The following ASPG variants were observed in gnomAD, a reference collection of about 807,000 sequenced individuals.
ASPG encodes asparaginase.
ASPG carries 53 observed loss-of-function variants against 63.2 expected under a neutral mutation model. The ratio of observed to expected loss-of-function variants is 0.84; its 90% confidence interval spans 0.67 to 1.05. The LOEUF (loss-of-function observed/expected upper bound fraction) is 1.05. Among genes scored for constraint, ASPG ranks in the 50% least tolerant of loss-of-function variants. ASPG has a pLI of 0.00. For synonymous variants in ASPG, 370 were observed against 355.0 expected (o/e 1.04, Z -0.48); for missense variants, 741 against 794.4 (o/e 0.93, Z 0.81).
Position 104,104,443 on chromosome 14 carries a change from A to G in ASPG, c.893A>G (p.His298Arg). 1.2e-6 allele frequency: 2 copies of G among 1,612,482 alleles called. No homozygotes were observed. The highest frequency in any genetic ancestry group is 1.7e-6 in the Non-Finnish European group (2 of 1,179,764). The change falls in exon 8 of 16, where the codon CAC becomes CGC. Residue 298 changes from histidine (H) to arginine (R), a missense_variant. Physicochemically the swap from His to Arg is conservative, Grantham distance 29. Coordinates refer to ENST00000551177, the MANE Select transcript of ASPG (RefSeq NM_001080464.3). Reference protein sequence around the residue: ...ERGLVIVNCTHCLQGAVTTDY... With the variant: ...ERGLVIVNCTRCLQGAVTTDY... ...GGCCTGGTCATCGTCAACTGTACCC[A>G]CTGCCTCCAGGGGGCTGTGACCACA...
chr14:104,093,660 G>GC (rs1418491966), intron 3 of ASPG, 58 bp downstream of exon 3: 7 of 894,122 alleles, frequency 7.8e-6, no homozygotes, highest in South Asian at 5.5e-5. Context: ...GCTGAGGTGT[G>GC]TGGGTGGGGC....
Position 104,109,407 on chromosome 14 carries a change from C to T in ASPG, c.1520+92C>T. 7.1e-7 allele frequency: 1 copy of T among 1,403,938 alleles called. No homozygotes were observed. The highest frequency in any genetic ancestry group is 9.6e-7 in the Non-Finnish European group (1 of 1,043,220). The allele number at this position is 1,403,938 out of a possible 1,614,324, so 87.0% of individuals were successfully genotyped here. A position where few individuals can be genotyped will look rare whatever the true frequency, so the allele number is the denominator to read the frequency against. On this transcript the variant is annotated intron_variant, in intron 13 of 15. Transcript: ENST00000551177. This position sits in a 1 kb window ranked among gnomAD's most constrained non-coding sequence, Gnocchi z 4.8. ...GACCTGCTGGGAGGGACAAGTGAGT[C>T]AGGGTGTGGGGGCTTTCAGAGGCGA...
At chr14:104,097,494 C>T (rs1213971221) in intron 4 of ASPG, 60 bp from the exon 5 acceptor site, 1 of 1,488,674 alleles carries the variant, frequency 6.7e-7, no homozygotes, top group African/African-American at 1.4e-5. Context: ...GAGAGATGAG[C>T]CAGACATCCC....
In ASPG at chr14:104,113,631, C is replaced by G. The variant is rs1335268344; in HGVS notation, c.*1087C>G. 2.0e-5 allele frequency: 3 copies of G among 152,330 alleles called. No individual in the cohort carries two copies. The highest frequency in any genetic ancestry group is 4.4e-5 in the Non-Finnish European group (3 of 68,124). The allele number at this position is 152,330 out of a possible 1,614,324, so 9.4% of individuals were successfully genotyped here. On this transcript the variant is annotated 3_prime_UTR_variant, in exon 16 of 16. Transcript: ENST00000551177. The stretch of plus-strand genomic sequence containing the variant: ...TCCCTCTGTTTGGCTGGCCTCTGGA[C>G]TGGAGCCCCAGGAGGGCAAAAGCAT...
At position 104,085,768 on chromosome 14, in the gene ASPG, G is replaced by C. The variant is rs1436620930; in HGVS notation, c.-3G>C. 10 of 1,576,912 alleles carry C rather than the reference G, an allele frequency of 6.3e-6. No individual in the cohort carries two copies. Among genetic ancestry groups the C allele is most frequent in the South Asian group, 1.1e-5 (1 of 87,598 alleles). On this transcript the variant is annotated 5_prime_UTR_variant, in exon 1 of 16. Coordinates refer to ENST00000551177, the MANE Select transcript of ASPG (RefSeq NM_001080464.3). ...CGTCCACTCCCGTGGTCCCCGGTCCGGCATGGCGCGCGCGGTGGGGCCCGA... is the reference window on the plus strand; with the variant it reads ...CGTCCACTCCCGTGGTCCCCGGTCCCGCATGGCGCGCGCGGTGGGGCCCGA...
chr14:104,095,407 A>G, intron 3 of ASPG, 124 bp from the exon 4 acceptor site: 1 of 1,356,320 alleles, frequency 7.4e-7, no homozygotes, highest in Non-Finnish European at 1.0e-6. Context: ...CTTCCAGGCC[A>G]GGGTCCCACG....
Position 104,095,540 on chromosome 14 carries a change from G to C in ASPG, c.313G>C (p.Glu105Gln), listed in dbSNP as rs748633326. ...TGCGCCCCTCCTGCAGAGGCACTAC[G>C]AGCAGTACCACGGCTTTGTGGTCAT... ...CLAQTIKRHY[E>Q]QYHGFVVIHG... Residue 105 changes from glutamate (E) to glutamine (Q), a missense_variant, in exon 4 of 16, where the codon GAG becomes CAG. By Grantham distance (29) the Glu-to-Gln change is conservative. Coordinates refer to ENST00000551177, the MANE Select transcript of ASPG (RefSeq NM_001080464.3). 3.5e-5 allele frequency: 56 copies of C among 1,612,838 alleles called. No individual in the cohort carries two copies. In the Admixed American group the frequency reaches 7.5e-4, roughly 22 times the overall value.
At chr14:104,101,409 G>C (rs1432844036) in intron 6 of ASPG, among the ~76,000 whole-genome samples, 1 of 152,166 alleles carries the variant, frequency 6.6e-6, no homozygotes, top group Admixed American at 6.5e-5. Context: ...TGAGGGGCTG[G>C]GCTGGTCCGG....
At chr14:104,098,101 G>A (rs5000042) in intron 5 of ASPG, among the ~76,000 whole-genome samples, 667 of 9,248 alleles carry the variant, frequency 0.072, 138 homozygotes, top group Non-Finnish European at 0.13. Flanking sequence ...TGGAGGTTCT[G>A]CGTTAGAGAT....
chr14:104,100,006 C>T (rs1383721011), intron 6 of ASPG, among the ~76,000 whole-genome samples: 2 of 152,188 alleles, frequency 1.3e-5, no homozygotes, highest in East Asian at 1.9e-4. Flanking sequence ...TGGGCCATGG[C>T]GGGCTGGTGG....
intron 1 of ASPG, among the ~76,000 whole-genome samples, chr14:104,089,947 C>CAAAAAAAAA (rs58405958): frequency 3.5e-5 from 2 of 56,352 alleles, no homozygotes; most frequent in Non-Finnish European, 2.9e-5. Context: ...GACTCTGCCT[C>CAAAAAAAAA]AAAAAAAAAA....
chr14:104,111,475 C>A (rs780310632), intron 13 of ASPG, 27 bp from the exon 14 acceptor site: 3 of 1,537,576 alleles, frequency 2.0e-6, no homozygotes, highest in South Asian at 2.4e-5. Flanking sequence ...CAGGCCCCAA[C>A]AACTCCTCCT....
In ASPG at chr14:104,093,512, G is replaced by T; in HGVS notation, c.213G>T (p.Arg71Ser). The T allele has an allele frequency of 1.2e-6, 2 of 1,612,742 alleles. No individual in the cohort carries two copies. Among genetic ancestry groups the T allele is most frequent in the Non-Finnish European group, 1.7e-6 (2 of 1,179,822 alleles). Residue 71 changes from arginine (R) to serine (S), a missense_variant, in exon 3 of 16, where the codon AGG becomes AGT. By Grantham distance (110) the Arg-to-Ser change is moderately radical. Coordinates refer to ENST00000551177, the MANE Select transcript of ASPG (RefSeq NM_001080464.3). ...LVLPPASRNQ[R>S]ILYTVLECQP... ...GCAGCCCGGCCAGCCGCAACCAGAG[G>T]ATTCTCTACACCGTGCTGGAGTGCC...
At chr14:104,085,966 G>A in intron 1 of ASPG, 114 bp downstream of exon 1, 1 of 991,548 alleles carries the variant, frequency 1.0e-6, no homozygotes, top group South Asian at 1.7e-5. Flanking sequence ...CCTGGATGGG[G>A]GGTGCGGGCT....
At chr14:104,086,146 G>A (rs1456130084) in intron 1 of ASPG, among the ~76,000 whole-genome samples, 3 of 152,208 alleles carry the variant, frequency 2.0e-5, no homozygotes, top group Middle Eastern at 3.2e-3. Flanking sequence ...CCAGCGTCCT[G>A]AAGTCCTGGA....
intron 6 of ASPG, among the ~76,000 whole-genome samples, chr14:104,103,056 C>T (rs527873787): frequency 6.6e-6 from 1 of 152,340 alleles, no homozygotes; most frequent in Admixed American, 6.5e-5. Flanking sequence ...ACAGTGGGTG[C>T]CTGGCAAGGG....
At chr14:104,111,686 G>A (rs1466726862) in intron 14 of ASPG, 85 bp downstream of exon 14, 1 of 1,144,538 alleles carries the variant, frequency 8.7e-7, no homozygotes, top group Non-Finnish European at 1.3e-6. Context: ...TCACTGCTCT[G>A]CCCCTCCCCG....
intron 6 of ASPG, among the ~76,000 whole-genome samples, chr14:104,102,121 G>A (rs1050676244): frequency 6.6e-6 from 1 of 152,040 alleles, no homozygotes; most frequent in South Asian, 2.1e-4. Context: ...CAGTGGCAGC[G>A]GTGCCCCCTC....
chr14:104,112,069 C>T (rs891992008), intron 15 of ASPG, 69 bp downstream of exon 15: 31 of 1,419,126 alleles, frequency 2.2e-5, no homozygotes, highest in East Asian at 1.5e-4. Flanking sequence ...GATCCTGGCT[C>T]GGGGGGGCGT....
Sources: gnomAD v4.1 joint callset for allele counts (sites outside exome capture counted in the v4.1 genomes callset) on GRCh38, gnomAD v4.1.1 for gene constraint, Gnocchi (gnomAD v3.1) non-coding constraint, MANE v1.5 for transcripts, NCBI Gene and HGNC (gene_info 2026-07-23, HGNC 2026-07-21) for gene names.